RBM20: variants seen among roughly 807,000 people sequenced by gnomAD.
The protein encoded by RBM20 is RNA-binding protein 20.
Under a neutral mutation model 110.1 loss-of-function variants are expected in RBM20, and 51 were observed. That is an observed-to-expected ratio of 0.46 (90% CI 0.37 to 0.59). RBM20 has a LOEUF of 0.59. Among genes scored for constraint, RBM20 ranks in the 20% least tolerant of loss-of-function variants. The probability of loss-of-function intolerance (pLI) is 0.00; values close to 1 mark genes in which losing one functional copy is unlikely to be tolerated. For missense variants in RBM20, 1,512 were observed against 1,574.9 expected (o/e 0.96, Z 0.68); for synonymous variants, 589 against 618.2 (o/e 0.95, Z 0.70).
At chr10:110,709,427 C>G (rs1392575205) in intron 1 of RBM20, among the ~76,000 whole-genome samples, 1 of 152,138 alleles carries the variant, frequency 6.6e-6, no homozygotes, top group African/African-American at 2.4e-5. Context: ...GCATTGCTGC[C>G]TGTCTGTTAG....
chr10:110,797,484 A>G (rs1171700830), intron 5 of RBM20, 24 bp from the exon 6 acceptor site: 1 of 1,531,310 alleles, frequency 6.5e-7, no homozygotes, highest in South Asian at 1.2e-5. Flanking sequence ...TCTGAATACC[A>G]CTAATGATCT....
rs7898501 is a variant in RBM20 at position 110,784,107 on chromosome 10, G to A, written c.1338-234G>A. 0.023 allele frequency among the ~76,000 whole-genome samples: 3,445 copies of A among 152,170 alleles called. 136 individuals carry two copies. Among genetic ancestry groups the A allele is most frequent in the African/African-American group, 0.077 (3,205 of 41,490 alleles). ...TTCTATGACTGAACAATATTCTATTGCATGTATATATCACATTCTTGTTTA... is the reference window on the plus strand; with the variant it reads ...TTCTATGACTGAACAATATTCTATTACATGTATATATCACATTCTTGTTTA... On this transcript the variant is annotated intron_variant, in intron 3 of 13. Coordinates refer to ENST00000369519, the MANE Select transcript of RBM20 (RefSeq NM_001134363.3).
intron 1 of RBM20, among the ~76,000 whole-genome samples, chr10:110,776,011 C>A (rs555463122): frequency 7.2e-5 from 11 of 152,168 alleles, no homozygotes; most frequent in Non-Finnish European, 1.3e-4. Context: ...GCAACCATGG[C>A]ATGACAGAGA....
intron 1 of RBM20, among the ~76,000 whole-genome samples, chr10:110,775,155 T>A (rs1340209069): frequency 6.6e-6 from 1 of 152,226 alleles, no homozygotes; most frequent in Non-Finnish European, 1.5e-5. Context: ...ACCTTCAGCG[T>A]TGCATTTATT....
rs201370621 is a variant in RBM20, at chr10:110,821,281, G to A, written c.2662G>A (p.Asp888Asn). 3.6e-3 allele frequency: 5,552 copies of A among 1,551,060 alleles called. 25 individuals carry two copies. The highest frequency in any genetic ancestry group is 3.6e-3 in the Non-Finnish European group (4,096 of 1,146,478). ...ATTCTGCATTTTTGTACAGGAACAA[G>A]ATTGGGAGAGTGAAAGTGAGGCAGA... The part of the protein sequence containing the change: ...PENTRTKKEQ[D>N]WESESEAEGE... The change falls in exon 11 of 14, where the codon GAT becomes AAT. Residue 888 changes from aspartate (D) to asparagine (N), a missense_variant. Around this residue, in one of 3 missense-constraint regions of RBM20, gnomAD observed 1,149 missense variants for 1,169.4 expected, o/e 0.98. Transcript: ENST00000369519.
chr10:110,666,179 G>A (rs918797399), intron 1 of RBM20, among the ~76,000 whole-genome samples: 7 of 152,306 alleles, frequency 4.6e-5, no homozygotes, highest in South Asian at 2.1e-4. Flanking sequence ...GAAGCTGGGT[G>A]GTGAGTACAT....
At chr10:110,769,093 T>C (rs529978121) in intron 1 of RBM20, among the ~76,000 whole-genome samples, 1 of 152,352 alleles carries the variant, frequency 6.6e-6, no homozygotes, top group South Asian at 2.1e-4. Flanking sequence ...GCTGCACAAT[T>C]GTTCTCCTGG....
At chr10:110,671,107 A>G (rs539423232) in intron 1 of RBM20, among the ~76,000 whole-genome samples, 81 of 152,342 alleles carry the variant, frequency 5.3e-4, no homozygotes, top group African/African-American at 1.8e-3. Context: ...AACGTCTCCA[A>G]TCAGGAAACA....
Position 110,767,650 on chromosome 10 carries a change from G to C in RBM20, c.192-13151G>C, listed in dbSNP as rs577432427. On this transcript the variant is annotated intron_variant, in intron 1 of 13. Transcript: ENST00000369519. ...CAGAGACGCTCCTCACCTCCCAGACGGGGTCACGGCCGGGTAGAGGCGCTC... is the reference window on the plus strand; with the variant it reads ...CAGAGACGCTCCTCACCTCCCAGACCGGGTCACGGCCGGGTAGAGGCGCTC... 5.3e-5 allele frequency among the ~76,000 whole-genome samples: 8 copies of C among 151,624 alleles called. No individual in the cohort carries two copies. The South Asian group carries it at 1.7e-3, about 32-fold the overall frequency.
At chr10:110,707,918 C>T (rs1176046628) in intron 1 of RBM20, among the ~76,000 whole-genome samples, 1 of 152,116 alleles carries the variant, frequency 6.6e-6, no homozygotes, top group African/African-American at 2.4e-5. Flanking sequence ...GTTCCTAACA[C>T]AAATAAATGA....
At chr10:110,793,431 G>C (rs751249125) in intron 5 of RBM20, among the ~76,000 whole-genome samples, 31 of 152,166 alleles carry the variant, frequency 2.0e-4, no homozygotes, top group Non-Finnish European at 3.5e-4. Context: ...TAGACTTTCT[G>C]ATTAGCCTAA....
At chr10:110,648,562 C>T (rs1480200071) in intron 1 of RBM20, among the ~76,000 whole-genome samples, 1 of 152,194 alleles carries the variant, frequency 6.6e-6, no homozygotes, top group Non-Finnish European at 1.5e-5. Flanking sequence ...TGCCAGTTAA[C>T]ATCAGTTTGA....
At chr10:110,709,353 C>T (rs1180349908) in intron 1 of RBM20, among the ~76,000 whole-genome samples, 2 of 152,088 alleles carry the variant, frequency 1.3e-5, no homozygotes, top group African/African-American at 4.8e-5. Flanking sequence ...AGGGCAACCC[C>T]GCAGGCATGC....
chr10:110,745,357 G>A (rs1310877043), intron 1 of RBM20, among the ~76,000 whole-genome samples: 1 of 152,154 alleles, frequency 6.6e-6, no homozygotes, highest in Non-Finnish European at 1.5e-5. Flanking sequence ...AGCCTCTGGG[G>A]TGAGACTGCA....
At chr10:110,684,678 T>C (rs1249841510) in intron 1 of RBM20, among the ~76,000 whole-genome samples, 5 of 152,232 alleles carry the variant, frequency 3.3e-5, no homozygotes, top group Non-Finnish European at 7.3e-5. Flanking sequence ...CATGCAAAAT[T>C]CAGGCATGCT....
At chr10:110,823,657 A>G (rs760784204) in intron 12 of RBM20, 43 bp downstream of exon 12, 247 of 1,546,532 alleles carry the variant, frequency 1.6e-4, no homozygotes, top group Non-Finnish European at 2.0e-4. Context: ...AGGTCTAGGA[A>G]ATAACAGTTC....
chr10:110,812,628 A>G lies in RBM20; in HGVS notation c.2231A>G (p.Asn744Ser), dbSNP rs755241667. The change falls in exon 9 of 14, where the codon AAC (asparagine) becomes AGC (serine). Residue 744 changes from asparagine to serine, a missense_variant. Asn to Ser is a conservative substitution (Grantham distance 46). This residue lies in a region of RBM20 where 1,149 missense variants were observed against 1,169.4 expected (regional missense o/e 0.98). Transcript: ENST00000369519. Reference protein sequence around the residue: ...REKYPRSGSPNLPHSVSSYKS... With the variant: ...REKYPRSGSPSLPHSVSSYKS... ...AAGTACCCGAGATCTGGGTCTCCCAACCTGCCCCACTCTGTGTCCAGCTAC... is the reference window on the plus strand; with the variant it reads ...AAGTACCCGAGATCTGGGTCTCCCAGCCTGCCCCACTCTGTGTCCAGCTAC... 3 of 1,551,596 alleles carry G rather than the reference A, an allele frequency of 1.9e-6. No individual in the cohort carries two copies. The highest frequency in any genetic ancestry group is 2.6e-6 in the Non-Finnish European group (3 of 1,146,980).
chr10:110,708,898 A>G (rs1402996403), intron 1 of RBM20, among the ~76,000 whole-genome samples: 1 of 152,194 alleles, frequency 6.6e-6, no homozygotes, highest in Non-Finnish European at 1.5e-5. Context: ...GGGTGGCAGG[A>G]CTGTGGCAGA....
chr10:110,685,597 C>A (rs749418635), intron 1 of RBM20, among the ~76,000 whole-genome samples: 1 of 152,024 alleles, frequency 6.6e-6, no homozygotes, highest in Non-Finnish European at 1.5e-5. Flanking sequence ...TTTGGGAGGG[C>A]GGGCAGGAAA....
Sources: allele counts gnomAD v4.1 joint callset (sites outside exome capture counted in the v4.1 genomes callset), GRCh38; gene constraint gnomAD v4.1.1; regional missense constraint gnomAD v4.1.1; transcripts MANE v1.5; gene names NCBI Gene and HGNC (gene_info 2026-07-23, HGNC 2026-07-21).